Variants in SUMF1 observed in about 807,000 individuals in gnomAD.
SUMF1 encodes formylglycine-generating enzyme.
A neutral mutation model predicts 47.6 loss-of-function variants in SUMF1; 48 were observed. The ratio of observed to expected loss-of-function variants is 1.01; its 90% CI spans 0.80 to 1.28. The LOEUF (loss-of-function observed/expected upper bound fraction) is 1.28, where lower values mean the gene tolerates loss of function less well. Among genes scored for constraint, SUMF1 ranks in the 50% most tolerant of loss-of-function variants. SUMF1 has a pLI of 0.00. For synonymous variants in SUMF1, 230 were observed against 192.1 expected (o/e 1.20, Z -1.63); for missense variants, 571 against 485.4 (o/e 1.18, Z -1.66).
chr3:4,334,057 G>A lies in SUMF1; in HGVS notation c.1014+42273C>T, dbSNP rs568503410. On this transcript the variant is annotated intron_variant and NMD_transcript_variant, in intron 8 of 12. Transcript: ENST00000448413. ...GTGGGCAGATCACTTGAGCCCAGAAGAGCATGGCTACAGTGAGCCCTGGTT... is the reference window on the plus strand; with the variant it reads ...GTGGGCAGATCACTTGAGCCCAGAAAAGCATGGCTACAGTGAGCCCTGGTT... 8.6e-5 allele frequency among the ~76,000 whole-genome samples: 13 copies of A among 151,954 alleles called. No homozygotes were observed. The South Asian group carries it at 1.2e-3, about 15-fold the overall frequency.
intron 8 of SUMF1, among the ~76,000 whole-genome samples, chr3:4,124,756 C>G (rs1387893794): frequency 6.6e-6 from 1 of 151,662 alleles, no homozygotes; most frequent in Non-Finnish European, 1.5e-5. Flanking sequence ...TACCTACCTA[C>G]AAAGAATCAA....
chr3:4,163,654 G>T (rs1162670347), intron 8 of SUMF1, among the ~76,000 whole-genome samples: 2 of 151,518 alleles, frequency 1.3e-5, no homozygotes, highest in South Asian at 4.2e-4. Context: ...CCTATGAAAG[G>T]TAAGTGCCAT....
At chr3:4,446,433 T>C (rs1702783209) in intron 3 of SUMF1, among the ~76,000 whole-genome samples, 1 of 152,250 alleles carries the variant, frequency 6.6e-6, no homozygotes. Flanking sequence ...CATGTGGAAC[T>C]GTGAGTCCAT....
intron 3 of SUMF1, among the ~76,000 whole-genome samples, chr3:4,444,893 T>C (rs1404681686): frequency 6.6e-6 from 1 of 152,066 alleles, no homozygotes; most frequent in Non-Finnish European, 1.5e-5. Context: ...CTTAAAGAAA[T>C]GGCTTTAAGG....
intron 5 of SUMF1, 146 bp from the exon 6 acceptor site, chr3:4,417,388 T>G (rs1184689428): frequency 5.1e-6 from 3 of 591,588 alleles, no homozygotes; most frequent in East Asian, 3.1e-5. Flanking sequence ...AATAAAGCTT[T>G]TAATCAGGAT....
chr3:4,162,650 T>C (rs1694604756), intron 8 of SUMF1, among the ~76,000 whole-genome samples: 1 of 152,152 alleles, frequency 6.6e-6, no homozygotes, highest in African/African-American at 2.4e-5. Context: ...AGCATACATA[T>C]TCTGTCTTCA....
chr3:4,175,525 C>T (rs1694939273), intron 8 of SUMF1, among the ~76,000 whole-genome samples: 1 of 152,106 alleles, frequency 6.6e-6, no homozygotes, highest in Non-Finnish European at 1.5e-5. Context: ...CACCAAAACC[C>T]CATCTGTAGG....
At chr3:4,058,448 C>A (rs1262190033) in intron 9 of SUMF1, among the ~76,000 whole-genome samples, 5 of 151,958 alleles carry the variant, frequency 3.3e-5, no homozygotes, top group Admixed American at 3.3e-4. Flanking sequence ...GGGTGATGTA[C>A]TAGATATGGA....
chr3:4,408,340 A>T (rs551671661), intron 7 of SUMF1, among the ~76,000 whole-genome samples: 1 of 152,378 alleles, frequency 6.6e-6, no homozygotes, highest in East Asian at 1.9e-4. Flanking sequence ...TTCTTTGGCT[A>T]AAAGAGAAAG....
At chr3:4,101,976 T>G (rs1275911381) in intron 8 of SUMF1, among the ~76,000 whole-genome samples, 1 of 152,108 alleles carries the variant, frequency 6.6e-6, no homozygotes, top group Non-Finnish European at 1.5e-5. Context: ...AGCGAATGAA[T>G]GAGTGCTGAG....
At chr3:4,380,694 C>A (rs1281977974) in intron 7 of SUMF1, among the ~76,000 whole-genome samples, 6 of 152,214 alleles carry the variant, frequency 3.9e-5, no homozygotes, top group Non-Finnish European at 7.3e-5. Flanking sequence ...CTGCCCGTAA[C>A]TGCTCTAGTC....
intron 8 of SUMF1, among the ~76,000 whole-genome samples, chr3:4,171,375 T>C (rs980926484): frequency 6.6e-6 from 1 of 152,072 alleles, no homozygotes; most frequent in Non-Finnish European, 1.5e-5. Context: ...AAAGGGTAAA[T>C]TAACTTTTTG....
intron 8 of SUMF1, among the ~76,000 whole-genome samples, chr3:4,138,998 G>C (rs1324185741): frequency 4.6e-5 from 7 of 151,872 alleles, no homozygotes; most frequent in Non-Finnish European, 1.0e-4. Flanking sequence ...GATTCATGTT[G>C]GTACCTTGAA....
intron 8 of SUMF1, among the ~76,000 whole-genome samples, chr3:4,089,581 GAATA>G (rs1391009877): frequency 6.6e-6 from 1 of 152,072 alleles, no homozygotes; most frequent in Non-Finnish European, 1.5e-5. Context: ...CAGGGATTAT[GAATA>G]AATAAATAAA....
chr3:4,299,992 T>C (rs1234102792), intron 8 of SUMF1, among the ~76,000 whole-genome samples: 4 of 152,194 alleles, frequency 2.6e-5, no homozygotes, highest in Non-Finnish European at 5.9e-5. Context: ...TCCCTATTGA[T>C]ATAATTTGGA....
Position 4,452,977 on chromosome 3 carries a change from G to A in SUMF1, c.343C>T (p.Pro115Ser). 6.2e-7 allele frequency: 1 copy of A among 1,614,076 alleles called. No homozygotes were observed. Among genetic ancestry groups the A allele is most frequent in the Non-Finnish European group, 8.5e-7 (1 of 1,180,032 alleles). The change falls in exon 2 of 9, where the codon CCT (proline) becomes TCT (serine). Residue 115 changes from proline to serine, a missense_variant. Transcript: ENST00000272902. ...DPQIKQDGEA[P>S]ARRVTIDAFY... ...GCATCAATAGTAACTCTCCTCGCAG[G>A]TGCTTCCCCATCCTGCTTTATCTGA...
intron 9 of SUMF1, among the ~76,000 whole-genome samples, chr3:4,045,802 G>A (rs1314724266): frequency 6.6e-6 from 1 of 152,166 alleles, no homozygotes; most frequent in African/African-American, 2.4e-5. Flanking sequence ...ATGAACTTGA[G>A]ACAGAGTCTG....
intron 8 of SUMF1, among the ~76,000 whole-genome samples, chr3:4,350,074 C>T (rs1699459445): frequency 6.6e-6 from 1 of 150,550 alleles, no homozygotes; most frequent in South Asian, 2.1e-4. Context: ...GATCTTGGGT[C>T]ACTGCAACCT....
intron 9 of SUMF1, among the ~76,000 whole-genome samples, chr3:4,057,097 G>C (rs184966254): frequency 2.0e-5 from 3 of 152,228 alleles, no homozygotes; most frequent in South Asian, 4.1e-4. Context: ...ATCAGAAAAA[G>C]TTATTTTAAA....
Sources: gnomAD v4.1 joint callset for allele counts (sites outside exome capture counted in the v4.1 genomes callset) on GRCh38, gnomAD v4.1.1 for gene constraint, MANE v1.5 for transcripts, NCBI Gene and HGNC (gene_info 2026-07-23, HGNC 2026-07-21) for gene names.